IQGAP2: variants seen among roughly 807,000 people sequenced by gnomAD.
The protein encoded by IQGAP2 is IQ motif containing GTPase activating protein 2.
IQGAP2 carries 173 observed loss-of-function variants against 201.3 expected under a neutral mutation model. That is an observed-to-expected ratio of 0.86 (90% CI 0.76 to 0.98). IQGAP2 has a LOEUF of 0.98. Among genes scored for constraint, IQGAP2 ranks in the 50% least tolerant of loss-of-function variants. IQGAP2 has a pLI of 0.00. For missense variants in IQGAP2, 1,687 were observed against 1,864.8 expected (o/e 0.90, Z 1.76); for synonymous variants, 675 against 673.9 (o/e 1.00, Z -0.03).
At chr5:76,406,530 A>G (rs1464710743) in intron 1 of IQGAP2, among the ~76,000 whole-genome samples, 1 of 152,240 alleles carries the variant, frequency 6.6e-6, no homozygotes, top group African/African-American at 2.4e-5. Flanking sequence ...TATGTATAGT[A>G]TTTTTCTATA....
chr5:76,506,402 C>T (rs1351465884), intron 2 of IQGAP2, among the ~76,000 whole-genome samples: 1 of 152,122 alleles, frequency 6.6e-6, no homozygotes, highest in Non-Finnish European at 1.5e-5. Flanking sequence ...ATCTTTTTCC[C>T]TGAAAGCAGT....
At chr5:76,693,701 T>G (rs1204179766) in intron 31 of IQGAP2, 1 of 314,324 alleles carries the variant, frequency 3.2e-6, no homozygotes. Flanking sequence ...GTTCTGGGTT[T>G]TTCAAAGCCC....
intron 13 of IQGAP2, chr5:76,615,813 AT>A (rs1284779408): frequency 1.3e-5 from 2 of 152,666 alleles, no homozygotes; most frequent in African/African-American, 4.8e-5. Flanking sequence ...AAGAAAAAAA[AT>A]AGTGGAGGCA....
chr5:76,404,319 G>A (rs1750679461), intron 1 of IQGAP2: 2 of 258,774 alleles, frequency 7.7e-6, no homozygotes, highest in South Asian at 2.9e-4. Flanking sequence ...TCGGAAATAG[G>A]TTGCTTTGGC....
chr5:76,491,467 T>C (rs1291999261), intron 2 of IQGAP2, among the ~76,000 whole-genome samples: 2 of 152,144 alleles, frequency 1.3e-5, no homozygotes, highest in Admixed American at 6.5e-5. Context: ...TCTTTTTTAT[T>C]ATTATTTTTT....
At chr5:76,499,333 C>T (rs1237083158) in intron 2 of IQGAP2, among the ~76,000 whole-genome samples, 1 of 152,176 alleles carries the variant, frequency 6.6e-6, no homozygotes, top group Non-Finnish European at 1.5e-5. Flanking sequence ...GTCTTTGAAT[C>T]AGACAGCAGC....
At chr5:76,503,844 C>A (rs1216092659) in intron 2 of IQGAP2, among the ~76,000 whole-genome samples, 1 of 152,196 alleles carries the variant, frequency 6.6e-6, no homozygotes, top group Admixed American at 6.5e-5. Flanking sequence ...CCACCCACCT[C>A]AGCCTCCCAA....
chr5:76,652,821 T>C lies in IQGAP2; in HGVS notation c.2166T>C (p.Asp722=). 3 of 1,599,710 alleles carry C rather than the reference T, an allele frequency of 1.9e-6. No individual in the cohort carries two copies. The highest frequency in any genetic ancestry group is 4.5e-5 in the East Asian group (2 of 44,836). ...GGCAAACGTTCATTGATAATACTGA[T>C]TCTATTGTGAAGGTAAATACCCTTT... is the stretch of plus-strand genomic sequence containing the variant. The part of the protein sequence containing the change: ...HRRQTFIDNT[D]SIVKIQSWFR... The change falls in exon 18 of 36, where the codon GAT becomes GAC. Residue 722 remains aspartate, a synonymous_variant. Transcript: ENST00000274364.
At chr5:76,417,607 G>A (rs1751484297) in intron 1 of IQGAP2, among the ~76,000 whole-genome samples, 1 of 145,834 alleles carries the variant, frequency 6.9e-6, no homozygotes, top group Non-Finnish European at 1.5e-5. Context: ...TTTTGAGACA[G>A]GGTCTGGCTG....
chr5:76,655,115 G>C, intron 20 of IQGAP2, 112 bp downstream of exon 20: 1 of 695,568 alleles, frequency 1.4e-6, no homozygotes, highest in South Asian at 1.9e-5. Flanking sequence ...GATACCCATT[G>C]TTTCCAGTAG....
chr5:76,473,279 G>A (rs1486979796), intron 2 of IQGAP2, among the ~76,000 whole-genome samples: 6 of 137,074 alleles, frequency 4.4e-5, no homozygotes, highest in African/African-American at 1.6e-4. Flanking sequence ...AAGCTTTGGT[G>A]GAATTAGCAC....
At chr5:76,411,114 T>C (rs4254886) in intron 1 of IQGAP2, among the ~76,000 whole-genome samples, 66,598 of 151,988 alleles carry the variant, frequency 0.44, 15,296 homozygotes, top group Non-Finnish European at 0.5. Flanking sequence ...AGAAAGCCTG[T>C]GACGGGGTCT....
intron 1 of IQGAP2, among the ~76,000 whole-genome samples, chr5:76,423,011 C>T (rs1022440341): frequency 2.0e-5 from 3 of 152,162 alleles, no homozygotes; most frequent in African/African-American, 4.8e-5. Context: ...GGCAATGCTA[C>T]GCCAGGCTTT....
At chr5:76,589,268 T>C (rs1284369733) in intron 6 of IQGAP2, among the ~76,000 whole-genome samples, 2 of 145,188 alleles carry the variant, frequency 1.4e-5, no homozygotes, top group Non-Finnish European at 3.0e-5. Context: ...GCTGAGATTG[T>C]GCCACTGCAC....
chr5:76,469,216 A>G (rs1754973281), intron 2 of IQGAP2, among the ~76,000 whole-genome samples: 1 of 152,160 alleles, frequency 6.6e-6, no homozygotes, highest in Non-Finnish European at 1.5e-5. Flanking sequence ...AGACAACTTA[A>G]TAAGCCGTGA....
rs569312379 is a variant in IQGAP2 at position 76,403,579 on chromosome 5, C to A, written c.34C>A (p.Pro12Thr). The part of the protein sequence containing the change: ...PHEELPSLQR[P>T]RYGSIVDDER... ...CGAAGAGCTGCCGTCGCTGCAGAGA[C>A]CCCGCTATGGCTGTAAGTGCGCCGG... Residue 12 changes from proline (P) to threonine (T), a missense_variant, in exon 1 of 36, where the codon CCC becomes ACC. Physicochemically the swap from Pro to Thr is conservative, Grantham distance 38. Transcript: ENST00000274364. This position sits in a 1 kb window ranked among gnomAD's most constrained non-coding sequence, Gnocchi z 4.8. The A allele has an allele frequency of 1.4e-4, 215 of 1,543,222 alleles. No homozygotes were observed. In the East Asian group the frequency reaches 5.0e-3, roughly 36 times the overall value.
intron 13 of IQGAP2, among the ~76,000 whole-genome samples, chr5:76,621,026 A>G (rs1272141642): frequency 6.6e-6 from 1 of 152,218 alleles, no homozygotes. Flanking sequence ...TACCTTTAAG[A>G]TAGACTTCTA....
At chr5:76,705,515 C>A (rs1467985218) in intron 35 of IQGAP2, among the ~76,000 whole-genome samples, 1 of 152,216 alleles carries the variant, frequency 6.6e-6, no homozygotes, top group Non-Finnish European at 1.5e-5. Context: ...TATGCCATTC[C>A]TTTTCAATCT....
intron 11 of IQGAP2, 43 bp downstream of exon 11, chr5:76,601,015 T>C: frequency 1.3e-6 from 2 of 1,586,312 alleles, no homozygotes; most frequent in Non-Finnish European, 1.7e-6. Flanking sequence ...CAGAAATGCA[T>C]GTTTGGCAGA....
Sources: allele counts gnomAD v4.1 joint callset (sites outside exome capture counted in the v4.1 genomes callset), GRCh38; gene constraint gnomAD v4.1.1; non-coding constraint Gnocchi (gnomAD v3.1); transcripts MANE v1.5; gene names NCBI Gene and HGNC (gene_info 2026-07-23, HGNC 2026-07-21).